Variants in NRG1 observed in about 807,000 individuals in gnomAD.
NRG1 encodes pro-neuregulin-1, membrane-bound isoform.
In NRG1, 18 loss-of-function variants were observed where a neutral mutation model predicts 63.8. The ratio of observed to expected loss-of-function variants is 0.28; its 90% CI spans 0.19 to 0.42. NRG1 has a LOEUF of 0.42. Among genes scored for constraint, NRG1 ranks in the 10% least tolerant of loss-of-function variants. The pLI, the probability that NRG1 is intolerant of heterozygous loss-of-function variation, is 1.00. For synonymous variants in NRG1, 302 were observed against 301.3 expected, an observed-to-expected ratio of 1.00 and a Z score of -0.02; for missense variants, 762 against 814.7, an observed-to-expected ratio of 0.94 and a Z score of 0.79.
chr8:32,735,760 C>A (rs1824876376), intron 6 of NRG1, among the ~76,000 whole-genome samples: 1 of 152,190 alleles, frequency 6.6e-6, no homozygotes. Context: ...ATGAGCATTT[C>A]AGAGCAAGCT....
intron 1 of NRG1, among the ~76,000 whole-genome samples, chr8:31,880,355 A>G (rs1244626723): frequency 6.6e-6 from 1 of 152,314 alleles, no homozygotes; most frequent in Admixed American, 6.5e-5. Flanking sequence ...GGAGTAGTTA[A>G]TGTAGACAAA....
intron 1 of NRG1, among the ~76,000 whole-genome samples, chr8:32,293,920 G>T (rs1854528803): frequency 6.6e-6 from 1 of 151,870 alleles, no homozygotes; most frequent in Non-Finnish European, 1.5e-5. Context: ...GTTTCACCAT[G>T]TTGGCCAGGC....
intron 1 of NRG1, among the ~76,000 whole-genome samples, chr8:31,671,746 TAGG>T (rs1807168210): frequency 6.6e-6 from 1 of 152,058 alleles, no homozygotes. Flanking sequence ...AAGTAAGATT[TAGG>T]AGAGGGAGGA....
At chr8:32,069,852 G>C (rs1825491588) in intron 1 of NRG1, among the ~76,000 whole-genome samples, 1 of 152,170 alleles carries the variant, frequency 6.6e-6, no homozygotes, top group Admixed American at 6.6e-5. Context: ...GAGAACCTGA[G>C]TCCTAGTTGA....
chr8:32,113,186 C>T (rs907628549), intron 1 of NRG1, among the ~76,000 whole-genome samples: 5 of 152,190 alleles, frequency 3.3e-5, no homozygotes, highest in Middle Eastern at 3.4e-3. Context: ...AGAGTGGATC[C>T]CTGAAAATGG....
intron 1 of NRG1, among the ~76,000 whole-genome samples, chr8:31,735,413 G>C (rs1814562379): frequency 6.6e-6 from 1 of 152,038 alleles, no homozygotes; most frequent in Non-Finnish European, 1.5e-5. Flanking sequence ...GTCTTCCCTT[G>C]ATGTTAAATT....
chr8:32,305,592 G>GGAAA (rs1856099350), intron 1 of NRG1, among the ~76,000 whole-genome samples: 1 of 152,174 alleles, frequency 6.6e-6, no homozygotes, highest in Non-Finnish European at 1.5e-5. Flanking sequence ...AAATTCCTCA[G>GGAAA]AGTCCACTTA....
chr8:32,599,103 G>A (rs897149031), intron 2 of NRG1, among the ~76,000 whole-genome samples: 2 of 151,882 alleles, frequency 1.3e-5, no homozygotes, highest in African/African-American at 4.8e-5. Context: ...CAGAACATAG[G>A]GCTCTGGCAT....
At chr8:31,744,225 C>T (rs947232037) in intron 1 of NRG1, among the ~76,000 whole-genome samples, 1 of 151,866 alleles carries the variant, frequency 6.6e-6, no homozygotes, top group African/African-American at 2.4e-5. Context: ...CTTGTCCTGA[C>T]CCTGTTCAAG....
chr8:31,833,211 G>C (rs895874183), intron 1 of NRG1, among the ~76,000 whole-genome samples: 1 of 152,108 alleles, frequency 6.6e-6, no homozygotes, highest in Non-Finnish European at 1.5e-5. Context: ...TTTTTTGATT[G>C]GTTAACTTAA....
At chr8:31,692,846 G>A (rs1296102038) in intron 1 of NRG1, among the ~76,000 whole-genome samples, 3 of 152,138 alleles carry the variant, frequency 2.0e-5, no homozygotes, top group Non-Finnish European at 4.4e-5. Flanking sequence ...TCTTTGTGAG[G>A]GGTTGGAACC....
In NRG1 at chr8:32,614,571, A is replaced by G. The variant is rs373949991; in HGVS notation, c.451+7A>G. On this transcript the variant is annotated splice_region_variant and intron_variant, in intron 4 of 11. Coordinates refer to ENST00000356819, the Ensembl canonical transcript of NRG1. ...GGAGCATATGTGTCTTCAGGTAAGGAAAATAAGCCTGGCAAATTTTACTAA... is the reference window on the plus strand; with the variant it reads ...GGAGCATATGTGTCTTCAGGTAAGGGAAATAAGCCTGGCAAATTTTACTAA... 73 of 1,611,422 alleles carry G rather than the reference A, an allele frequency of 4.5e-5. No individual in the cohort carries two copies. The highest frequency in any genetic ancestry group is 5.2e-5 in the Non-Finnish European group (61 of 1,178,216).
At chr8:31,759,108 A>G (rs1422611728) in intron 1 of NRG1, among the ~76,000 whole-genome samples, 2 of 152,120 alleles carry the variant, frequency 1.3e-5, no homozygotes, top group Non-Finnish European at 2.9e-5. Context: ...TTGTCTTCTT[A>G]TAGATTTCAT....
intron 7 of NRG1, among the ~76,000 whole-genome samples, chr8:32,753,965 G>A (rs1369301835): frequency 6.6e-6 from 1 of 151,970 alleles, no homozygotes; most frequent in Non-Finnish European, 1.5e-5. Flanking sequence ...CCTTTAATTG[G>A]TGTTGATTCC....
chr8:32,622,161 T>C (rs1401828201), intron 5 of NRG1, among the ~76,000 whole-genome samples: 1 of 152,154 alleles, frequency 6.6e-6, no homozygotes. Flanking sequence ...CCTAGCACTT[T>C]GGGAGGCCAT....
Position 32,184,570 on chromosome 8 carries a change from T to A in NRG1, c.38-411258T>A, listed in dbSNP as rs563000249. Among the ~76,000 whole-genome samples the A allele has an allele frequency of 2.6e-5, 4 of 152,218 alleles. No individual in the cohort carries two copies. In the East Asian group the frequency reaches 7.7e-4, roughly 29 times the overall value. On this transcript the variant is annotated intron_variant, in intron 1 of 10. Transcript: ENST00000519301. ...ATAACATTTAAACTGAGATAGCTAC[T>A]ATTTTTTTTTAATATATGTTTAGTT...
At chr8:31,867,797 A>G (rs76930313) in intron 1 of NRG1, among the ~76,000 whole-genome samples, 21,580 of 152,152 alleles carry the variant, frequency 0.14, 1,984 homozygotes, top group Non-Finnish European at 0.19. Context: ...GACAAATCCA[A>G]AATTTTAAAT....
intron 5 of NRG1, among the ~76,000 whole-genome samples, chr8:32,699,297 C>A (rs1814230466): frequency 6.6e-6 from 1 of 152,140 alleles, no homozygotes; most frequent in Non-Finnish European, 1.5e-5. Flanking sequence ...TGTCTACTTC[C>A]TCCTGTTCTG....
intron 1 of NRG1, among the ~76,000 whole-genome samples, chr8:32,171,112 CTG>C (rs1270834196): frequency 6.6e-6 from 1 of 152,166 alleles, no homozygotes; most frequent in East Asian, 1.9e-4. Flanking sequence ...GATATTTTTT[CTG>C]TGTGTGTGTA....
Sources: gnomAD v4.1 joint callset for allele counts (sites outside exome capture counted in the v4.1 genomes callset) on GRCh38, gnomAD v4.1.1 for gene constraint, MANE v1.5 for transcripts, NCBI Gene and HGNC (gene_info 2026-07-23, HGNC 2026-07-21) for gene names.